The following HIBADH variants were observed in gnomAD, a reference collection of about 807,000 sequenced individuals.
HIBADH encodes 3-hydroxyisobutyrate dehydrogenase, mitochondrial.
HIBADH carries 25 observed loss-of-function variants against 36.1 expected under a neutral mutation model. That is an observed-to-expected ratio of 0.69 (90% CI 0.50 to 0.97). The LOEUF (loss-of-function observed/expected upper bound fraction) is 0.97. Ranked by LOEUF, HIBADH falls within the 50% of genes least tolerant of loss-of-function variation. The pLI, the probability that HIBADH is intolerant of heterozygous loss-of-function variation, is 0.00. For synonymous variants in HIBADH, 160 were observed against 149.5 expected, an observed-to-expected ratio of 1.07 and a Z score of -0.51; for missense variants, 421 against 418.0, an observed-to-expected ratio of 1.01 and a Z score of -0.06.
At chr7:27,575,599 G>A (rs1473892415) in intron 4 of HIBADH, among the ~76,000 whole-genome samples, 1 of 152,146 alleles carries the variant, frequency 6.6e-6, no homozygotes, top group Non-Finnish European at 1.5e-5. Context: ...TAACTGTATA[G>A]CAGTGGCATA....
intron 4 of HIBADH, among the ~76,000 whole-genome samples, chr7:27,622,383 C>T (rs1785561191): frequency 6.6e-6 from 1 of 151,820 alleles, no homozygotes; most frequent in South Asian, 2.1e-4. Flanking sequence ...GCAATAAATG[C>T]CCAAAGATCA....
At chr7:27,640,475 A>T (rs972634198) in intron 2 of HIBADH, among the ~76,000 whole-genome samples, 1 of 152,184 alleles carries the variant, frequency 6.6e-6, no homozygotes, top group African/African-American at 2.4e-5. Flanking sequence ...GGCTGCAGTG[A>T]GCCATGATCC....
At chr7:27,595,655 C>A (rs1001045858) in intron 4 of HIBADH, among the ~76,000 whole-genome samples, 1 of 148,308 alleles carries the variant, frequency 6.7e-6, no homozygotes, top group Admixed American at 6.7e-5. Context: ...TAGACTAGTA[C>A]TTGGTATATG....
chr7:27,633,207 G>T (rs1463712119), intron 2 of HIBADH, among the ~76,000 whole-genome samples: 1 of 152,140 alleles, frequency 6.6e-6, no homozygotes, highest in African/African-American at 2.4e-5. Flanking sequence ...GTTTGCTTAG[G>T]TGCATGCATG....
chr7:27,613,806 ACGCC>A (rs1468749271), intron 4 of HIBADH, among the ~76,000 whole-genome samples: 22 of 151,878 alleles, frequency 1.4e-4, no homozygotes, highest in Non-Finnish European at 2.4e-4. Flanking sequence ...CTACAGGTAC[ACGCC>A]ACCATGCCCG....
intron 3 of HIBADH, 32 bp downstream of exon 3, chr7:27,632,301 TAAC>T (rs1482554951): frequency 6.7e-6 from 9 of 1,348,468 alleles, no homozygotes; most frequent in Non-Finnish European, 9.6e-6. Flanking sequence ...TGAACTATCA[TAAC>T]AAGAAAATAT....
chr7:27,629,421 T>C lies in HIBADH; in HGVS notation c.434A>G (p.Lys145Arg), dbSNP rs775232304. The C allele has an allele frequency of 7.4e-6, 12 of 1,612,304 alleles. No homozygotes were observed. In the Admixed American group the frequency reaches 1.8e-4, roughly 25 times the overall value. Reference sequence around the variant, plus strand: ...AACTGCTCCCATTTTCTCAACTTCTTTGGCCAATTCTTTTGAAACTGCAGG... The same window carrying C: ...AACTGCTCCCATTTTCTCAACTTCTCTGGCCAATTCTTTTGAAACTGCAGG... ...IDPAVSKELAKEVEKMGAVFM... is the reference protein window; with the variant it reads ...IDPAVSKELAREVEKMGAVFM... The change falls in exon 4 of 8, where the codon AAA (lysine) becomes AGA (arginine). Residue 145 changes from lysine to arginine, a missense_variant. Physicochemically the swap from Lys to Arg is conservative, Grantham distance 26. Coordinates refer to ENST00000265395, the MANE Select transcript of HIBADH (RefSeq NM_152740.4).
chr7:27,657,369 G>A (rs982654769), intron 1 of HIBADH, among the ~76,000 whole-genome samples: 3 of 152,160 alleles, frequency 2.0e-5, no homozygotes, highest in African/African-American at 7.2e-5. Flanking sequence ...TGTACTTGGA[G>A]GAAAAGGGAG....
chr7:27,599,664 A>G (rs1319296472), intron 4 of HIBADH, among the ~76,000 whole-genome samples: 3 of 121,798 alleles, frequency 2.5e-5, no homozygotes, highest in African/African-American at 6.5e-5. Context: ...CCTGGGTGAC[A>G]GCGAGACTCT....
At chr7:27,634,475 C>T (rs564272209) in intron 2 of HIBADH, among the ~76,000 whole-genome samples, 19 of 152,124 alleles carry the variant, frequency 1.2e-4, no homozygotes, top group Admixed American at 1.2e-3. Context: ...AAAAATAGAG[C>T]TCAGTGAAAT....
intron 2 of HIBADH, among the ~76,000 whole-genome samples, chr7:27,642,004 T>C (rs1360021734): frequency 3.3e-5 from 5 of 152,168 alleles, no homozygotes; most frequent in African/African-American, 7.2e-5. Flanking sequence ...ACACAGAATT[T>C]TCCCCACTGT....
intron 4 of HIBADH, among the ~76,000 whole-genome samples, chr7:27,560,555 C>T (rs1164285923): frequency 3.3e-5 from 5 of 152,108 alleles, no homozygotes; most frequent in African/African-American, 1.2e-4. Context: ...GTATATTGTA[C>T]CCAAAATAAA....
chr7:27,595,379 A>G (rs1785014395), intron 4 of HIBADH, among the ~76,000 whole-genome samples: 1 of 152,012 alleles, frequency 6.6e-6, no homozygotes, highest in Non-Finnish European at 1.5e-5. Flanking sequence ...TTAGCCAGGC[A>G]TTGTGGTACG....
chr7:27,560,306 A>T (rs984076219), intron 4 of HIBADH, among the ~76,000 whole-genome samples: 1 of 152,272 alleles, frequency 6.6e-6, no homozygotes, highest in East Asian at 1.9e-4. Flanking sequence ...TTTAGTAGAG[A>T]CGGGGTTTCG....
chr7:27,597,265 C>A (rs536048218), intron 4 of HIBADH, among the ~76,000 whole-genome samples: 13 of 152,134 alleles, frequency 8.5e-5, no homozygotes, highest in African/African-American at 2.9e-4. Flanking sequence ...GGAAGGAAGG[C>A]AGGTCTCTCA....
At chr7:27,652,702 A>G (rs1410949064) in intron 1 of HIBADH, among the ~76,000 whole-genome samples, 6 of 152,140 alleles carry the variant, frequency 3.9e-5, no homozygotes, top group Non-Finnish European at 8.8e-5. Flanking sequence ...GTATCCTCAC[A>G]TGGTAGAGAG....
intron 1 of HIBADH, among the ~76,000 whole-genome samples, chr7:27,657,474 C>T (rs1786327580): frequency 6.6e-6 from 1 of 152,080 alleles, no homozygotes; most frequent in African/African-American, 2.4e-5. Context: ...ACTAGTTCTG[C>T]TGGTGAAATC....
At position 27,631,917 on chromosome 7, in the gene HIBADH, CT is replaced by C. The variant is rs529219560; in HGVS notation, c.362+418del. On this transcript the variant is annotated intron_variant, in intron 3 of 7. Transcript: ENST00000265395. ...AAACGTACTAACCCACAGGACATAA[CT>C]TTTTTTCGTATAATAAAATGTTAAA... Among the ~76,000 whole-genome samples the C allele has an allele frequency of 1.4e-3, 219 of 152,298 alleles. 1 individual carries two copies. Among genetic ancestry groups the C allele is most frequent in the African/African-American group, 5.0e-3 (209 of 41,566 alleles).
intron 4 of HIBADH, among the ~76,000 whole-genome samples, chr7:27,606,102 A>AAACAG (rs1785222546): frequency 6.6e-6 from 1 of 152,116 alleles, no homozygotes; most frequent in African/African-American, 2.4e-5. Context: ...AAACATCATA[A>AAACAG]AACATTTTTT....
Sources: gnomAD v4.1 joint callset for allele counts (sites outside exome capture counted in the v4.1 genomes callset) on GRCh38, gnomAD v4.1.1 for gene constraint, MANE v1.5 for transcripts, NCBI Gene and HGNC (gene_info 2026-07-23, HGNC 2026-07-21) for gene names.